The following KIF13B variants were observed in gnomAD, a reference collection of about 807,000 sequenced individuals.
KIF13B encodes the protein kinesin family member 13B, also known as kinesin-like protein KIF13B.
Under a neutral mutation model 222.0 loss-of-function variants are expected in KIF13B, and 127 were observed. That is an observed-to-expected ratio of 0.57 (90% confidence interval 0.50 to 0.66). The LOEUF (loss-of-function observed/expected upper bound fraction) is 0.66, where lower values mean the gene tolerates loss of function less well. Among genes scored for constraint, KIF13B ranks in the 30% least tolerant of loss-of-function variants. The pLI is 0.00. For missense variants in KIF13B, 2,173 were observed against 2,379.0 expected (o/e 0.91, Z 1.80); for synonymous variants, 976 against 919.0 (o/e 1.06, Z -1.12).
At chr8:29,188,635 T>C (rs1375766191) in intron 4 of KIF13B, 28 bp from the exon 5 acceptor site, 1 of 1,464,266 alleles carries the variant, frequency 6.8e-7, no homozygotes, top group Non-Finnish European at 9.5e-7. Flanking sequence ...AGAGAAAAGA[T>C]ATTTTAAGCC....
At chr8:29,206,519 C>T (rs943308517) in intron 2 of KIF13B, among the ~76,000 whole-genome samples, 1 of 152,168 alleles carries the variant, frequency 6.6e-6, no homozygotes, top group Non-Finnish European at 1.5e-5. Context: ...CTACCTATTT[C>T]ACTACTCACA....
Position 29,118,971 on chromosome 8 carries a change from T to G in KIF13B, c.3557A>C (p.Asp1186Ala). 6.2e-7 allele frequency: 1 copy of G among 1,613,720 alleles called. No individual in the cohort carries two copies. Among genetic ancestry groups the G allele is most frequent in the South Asian group, 1.1e-5 (1 of 91,008 alleles). The change falls in exon 30 of 40, where the codon GAT (aspartate) becomes GCT (alanine). Residue 1186 changes from aspartate to alanine, a missense_variant. By Grantham distance (126) the Asp-to-Ala change is moderately radical. Around this residue, in one of 2 missense-constraint regions of KIF13B, gnomAD observed 1,480 missense variants for 1,722.8 expected, o/e 0.86. Coordinates refer to ENST00000524189, the MANE Select transcript of KIF13B (RefSeq NM_015254.4). ...ACCAGCTTCTGGGTCATCAAGATTA[T>G]CCTGAGAGCTGAAATCATCAGCTAA... ...DLNADDFSSQ[D>A]NLDDPEAGGW... is the part of the protein sequence containing the mutation.
intron 2 of KIF13B, among the ~76,000 whole-genome samples, chr8:29,206,118 C>G (rs1813922797): frequency 6.6e-6 from 1 of 151,558 alleles, no homozygotes; most frequent in Non-Finnish European, 1.5e-5. Flanking sequence ...TTAACTAATT[C>G]CCCCCACAAA....
intron 25 of KIF13B, 68 bp downstream of exon 25, chr8:29,127,054 C>T (rs557142216): frequency 2.1e-6 from 3 of 1,443,810 alleles, no homozygotes; most frequent in East Asian, 2.3e-5. Context: ...TAGTTTCGTA[C>T]GGGTTCCAAA....
intron 5 of KIF13B, 30 bp downstream of exon 5, chr8:29,188,481 GTTGT>G (rs1813038450): frequency 8.0e-7 from 1 of 1,257,590 alleles, no homozygotes; most frequent in Non-Finnish European, 1.2e-6. Flanking sequence ...TTCATTGATG[GTTGT>G]TTATGTGATT....
intron 37 of KIF13B, among the ~76,000 whole-genome samples, chr8:29,076,797 G>A (rs1159041868): frequency 2.0e-5 from 3 of 152,198 alleles, no homozygotes; most frequent in Non-Finnish European, 4.4e-5. Flanking sequence ...AGGAAACGCA[G>A]CGATCAGGCT....
rs529492068 is a variant in KIF13B, at chr8:29,152,057, C to T, written c.1536-1674G>A. The stretch of plus-strand genomic sequence containing the variant: ...GGAGTCCAATCATCATGGATGCCTT[C>T]GGGGGGTTCAAGACTTTAGGGGAGG... On this transcript the variant is annotated intron_variant, in intron 14 of 39. Transcript: ENST00000524189. Among the ~76,000 whole-genome samples the T allele has an allele frequency of 1.2e-4, 18 of 152,158 alleles. No homozygotes were observed. In the South Asian group the frequency reaches 3.7e-3, roughly 32 times the overall value.
intron 2 of KIF13B, among the ~76,000 whole-genome samples, chr8:29,197,352 A>C (rs944153319): frequency 6.7e-6 from 1 of 149,542 alleles, no homozygotes; most frequent in Non-Finnish European, 1.5e-5. Flanking sequence ...AAAAAAAAAA[A>C]AAAAAAAAAC....
chr8:29,216,990 A>G (rs1586939351), intron 2 of KIF13B, among the ~76,000 whole-genome samples: 1 of 152,014 alleles, frequency 6.6e-6, no homozygotes. Flanking sequence ...TCTTAAGTGC[A>G]CTGTAAGTGT....
intron 2 of KIF13B, among the ~76,000 whole-genome samples, chr8:29,212,133 C>T (rs1057127342): frequency 6.6e-6 from 1 of 152,150 alleles, no homozygotes; most frequent in African/African-American, 2.4e-5. Flanking sequence ...AATACTGCTC[C>T]TTGGAACATT....
At chr8:29,176,027 C>A in intron 10 of KIF13B, 41 bp downstream of exon 10, 1 of 1,195,820 alleles carries the variant, frequency 8.4e-7, no homozygotes, top group East Asian at 2.4e-5. Context: ...TTCTTGCCAA[C>A]CACCAAAAGT....
chr8:29,224,943 T>A (rs182286656), intron 2 of KIF13B, among the ~76,000 whole-genome samples: 2 of 152,294 alleles, frequency 1.3e-5, no homozygotes, highest in African/African-American at 4.8e-5. Flanking sequence ...TGAAGTGCAA[T>A]GCAGTTATGC....
intron 6 of KIF13B, among the ~76,000 whole-genome samples, chr8:29,182,649 A>G (rs1254196159): frequency 6.6e-6 from 1 of 152,026 alleles, no homozygotes; most frequent in Non-Finnish European, 1.5e-5. Context: ...AAACCCAATA[A>G]AGGACATCTG....
intron 10 of KIF13B, among the ~76,000 whole-genome samples, chr8:29,169,139 T>C (rs1315834136): frequency 1.3e-5 from 2 of 152,204 alleles, no homozygotes; most frequent in African/African-American, 2.4e-5. Flanking sequence ...TCCAATCTTA[T>C]TACAATGAAA....
At chr8:29,159,601 G>A (rs1811684774) in intron 13 of KIF13B, among the ~76,000 whole-genome samples, 1 of 152,150 alleles carries the variant, frequency 6.6e-6, no homozygotes, top group Non-Finnish European at 1.5e-5. Context: ...ACAGGAACCT[G>A]GCAAAGTAGC....
Position 29,191,043 on chromosome 8 carries a change from A to C in KIF13B, c.177T>G (p.Asp59Glu). The C allele has an allele frequency of 6.2e-7, 1 of 1,611,076 alleles. No individual in the cohort carries two copies. The highest frequency in any genetic ancestry group is 8.5e-7 in the Non-Finnish European group (1 of 1,178,498). ...ARGQPKVFAY[D>E]HCFWSMDESV... ...ATTCATCCATAGACCAGAAACAATG[A>C]TCATAAGCAAACACCTGTTGAAAAT... Residue 59 changes from aspartate to glutamate, a missense_variant, in exon 4 of 40, where the codon GAT (aspartate) becomes GAG (glutamate). By Grantham distance (45) the Asp-to-Glu change is conservative. Around this residue, in one of 2 missense-constraint regions of KIF13B, gnomAD observed 1,480 missense variants for 1,722.8 expected, o/e 0.86. Transcript: ENST00000524189.
chr8:29,180,673 G>A (rs1190425552), intron 7 of KIF13B, among the ~76,000 whole-genome samples: 1 of 152,088 alleles, frequency 6.6e-6, no homozygotes, highest in Non-Finnish European at 1.5e-5. Context: ...GCATATCACC[G>A]ACTACCACTA....
At position 29,071,798 on chromosome 8, in the gene KIF13B, C is replaced by CG; in HGVS notation, c.5039dup (p.Ala1682ArgfsTer9). The CG allele has an allele frequency of 6.5e-7, 1 of 1,546,018 alleles. No individual in the cohort carries two copies. On this transcript the variant is annotated frameshift_variant, in exon 39 of 40. Transcript: ENST00000524189. LOFTEE classifies it high-confidence loss of function. The surrounding 1 kb of genome is among the most constrained non-coding windows in gnomAD (Gnocchi z 4.9). ...AGGCCAGGGCCTGTCCCCCGGCGCC[C>CG]GGGGCCGGCGCATTCCCCTCGGCCC...
chr8:29,232,422 TA>T (rs1215466046), intron 2 of KIF13B, among the ~76,000 whole-genome samples: 2 of 142,872 alleles, frequency 1.4e-5, no homozygotes. Flanking sequence ...CAATAAAAAA[TA>T]AAAAAAATTA....
Sources: gnomAD v4.1 joint callset for allele counts (sites outside exome capture counted in the v4.1 genomes callset) on GRCh38, gnomAD v4.1.1 for gene constraint, gnomAD v4.1.1 regional missense constraint, Gnocchi (gnomAD v3.1) non-coding constraint, MANE v1.5 for transcripts, NCBI Gene and HGNC (gene_info 2026-07-23, HGNC 2026-07-21) for gene names.